P2RX6: variants seen among roughly 807,000 people sequenced by gnomAD.
P2RX6 encodes the protein P2X purinoceptor 6.
A neutral mutation model predicts 54.2 loss-of-function variants in P2RX6; 62 were observed. That is an observed-to-expected ratio of 1.14 (90% confidence interval 0.93 to 1.41). The LOEUF (loss-of-function observed/expected upper bound fraction) is 1.41, where lower values mean the gene tolerates loss of function less well. P2RX6 is among the 40% of genes most tolerant of loss of function. The pLI, the probability that P2RX6 is intolerant of heterozygous loss-of-function variation, is 0.00. For synonymous variants in P2RX6, 211 were observed against 231.9 expected (o/e 0.91, Z 0.82); for missense variants, 541 against 566.3 (o/e 0.96, Z 0.45).
At chr22:21,021,451 C>T (rs912413585) in intron 3 of P2RX6, among the ~76,000 whole-genome samples, 1 of 152,076 alleles carries the variant, frequency 6.6e-6, no homozygotes, top group East Asian at 1.9e-4. Context: ...TTGGAGGAGA[C>T]GGTAGCCCAG....
At chr22:21,019,091 C>G (rs1027064720) in intron 3 of P2RX6, among the ~76,000 whole-genome samples, 7 of 152,152 alleles carry the variant, frequency 4.6e-5, no homozygotes, top group African/African-American at 1.4e-4. Flanking sequence ...CTCATTCTCT[C>G]CAGCTGTGAA....
intron 8 of P2RX6, among the ~76,000 whole-genome samples, chr22:21,024,799 G>C (rs560722669): frequency 1.2e-4 from 18 of 147,740 alleles, no homozygotes; most frequent in African/African-American, 4.5e-4. Flanking sequence ...TCGAACTTCT[G>C]ACCTCAGGTG....
At position 21,026,597 on chromosome 22, in the gene P2RX6, AC is replaced by A. The variant is rs1928509886; in HGVS notation, c.1309del (p.His437IlefsTer42). 2 of 1,586,970 alleles carry A rather than the reference AC, an allele frequency of 1.3e-6. No homozygotes were observed. The highest frequency in any genetic ancestry group is 1.7e-6 in the Non-Finnish European group (2 of 1,167,866). On this transcript the variant is annotated frameshift_variant, in exon 12 of 12. Transcript: ENST00000413302. LOFTEE classifies it high-confidence loss of function. The surrounding 1 kb of genome is among the most constrained non-coding windows in gnomAD (Gnocchi z 4.0). ...PCPSSDTHLP[T>X]HSGSL is the part of the protein sequence containing the mutation. ...TCCAAGTTCTGACACCCACTTGCCA[AC>A]CCATTCCGGGAGCCTGTAGCCGTTC...
rs1174065069 is a variant in P2RX6, at chr22:21,022,665, T to C, written c.388-11T>C. 3 of 1,522,226 alleles carry C rather than the reference T, an allele frequency of 2.0e-6. No individual in the cohort carries two copies. Among genetic ancestry groups the C allele is most frequent in the African/African-American group, 2.8e-5 (2 of 72,054 alleles). 94.3% of individuals were successfully genotyped at this position (1,522,226 alleles called of 1,614,324 possible). On this transcript the variant is annotated splice_polypyrimidine_tract_variant and intron_variant, in intron 3 of 11. Transcript: ENST00000413302. ...CTGTGCCATTGGTGACTGCTCTCTCTCCCACCTCAGCACCCGTCCGTCCCA... is the reference window on the plus strand; with the variant it reads ...CTGTGCCATTGGTGACTGCTCTCTCCCCCACCTCAGCACCCGTCCGTCCCA...
rs113447136 is a variant in P2RX6, at chr22:21,025,892, C to A, written c.978C>A (p.Thr326=). The A allele has an allele frequency of 3.2e-6, 5 of 1,578,070 alleles. No individual in the cohort carries two copies. The highest frequency in any genetic ancestry group is 1.2e-5 in the South Asian group (1 of 86,118). The change falls in exon 9 of 12, where the codon ACC becomes ACA. Residue 326 remains threonine, a synonymous_variant. Coordinates refer to ENST00000413302, the MANE Select transcript of P2RX6 (RefSeq NM_005446.5). ...LYGIRFDILV[T]GQAGKFGLIP... ...GAATCCGCTTCGACATCCTCGTCAC[C>A]GGGCAGGTAGGCACAGGTAGGGGTC...
chr22:21,011,697 A>G (rs578105198), upstream of P2RX6: 101 of 639,462 alleles, frequency 1.6e-4, no homozygotes, highest in African/African-American at 1.5e-3. Context: ...GCAGAGGAAA[A>G]GGACTTACAG....
chr22:21,027,509 A>C lies in P2RX6; in HGVS notation c.*892A>C, dbSNP rs940669138. 4 of 152,054 alleles carry C rather than the reference A, an allele frequency of 2.6e-5. No homozygotes were observed. Among genetic ancestry groups the C allele is most frequent in the African/African-American group, 4.8e-5 (2 of 41,282 alleles). The allele number at this position is 152,054 out of a possible 1,614,324, so 9.4% of individuals were successfully genotyped here. A position where few individuals can be genotyped will look rare whatever the true frequency, so the allele number is the denominator to read the frequency against. ...CACTTCAGTCCAAGTCATACCTAGGAAGCTGTCTGGGCAGCTGCTCGAGGG... is the reference window on the plus strand; with the variant it reads ...CACTTCAGTCCAAGTCATACCTAGGCAGCTGTCTGGGCAGCTGCTCGAGGG... On this transcript the variant is annotated 3_prime_UTR_variant, in exon 12 of 12. Coordinates refer to ENST00000413302, the MANE Select transcript of P2RX6 (RefSeq NM_005446.5).
upstream of P2RX6, among the ~76,000 whole-genome samples, chr22:21,014,604 T>G (rs1244640220): frequency 6.6e-6 from 1 of 152,152 alleles, no homozygotes; most frequent in African/African-American, 2.4e-5. Flanking sequence ...TTGTCCTCAC[T>G]GCACTGGGGA....
chr22:21,023,962 T>G (rs1927947310), intron 8 of P2RX6, among the ~76,000 whole-genome samples: 1 of 150,168 alleles, frequency 6.7e-6, no homozygotes, highest in South Asian at 2.1e-4. Context: ...CAGCTTTGTT[T>G]TTTTTTTTTT....
intron 3 of P2RX6, 84 bp downstream of exon 3, chr22:21,018,144 C>A: frequency 2.3e-6 from 2 of 876,366 alleles, no homozygotes; most frequent in South Asian, 1.4e-5. Flanking sequence ...TTTCCCCTTC[C>A]CAGGTGGCTG....
chr22:21,023,640 T>C, intron 8 of P2RX6, 22 bp downstream of exon 8: 1 of 1,529,840 alleles, frequency 6.5e-7, no homozygotes, highest in African/African-American at 1.4e-5. Flanking sequence ...CTGCTCCCAG[T>C]GCCCAGCTGC....
At chr22:21,025,337 G>A (rs754115328) in intron 8 of P2RX6, among the ~76,000 whole-genome samples, 24 of 146,486 alleles carry the variant, frequency 1.6e-4, no homozygotes, top group African/African-American at 4.7e-4. Flanking sequence ...ACTGCACCCC[G>A]TCTGATCTGG....
chr22:21,017,868 G>A (rs1197310342), intron 2 of P2RX6, 121 bp from the exon 3 acceptor site: 1 of 721,618 alleles, frequency 1.4e-6, no homozygotes, highest in Admixed American at 2.0e-5. Flanking sequence ...TGCCTTACAG[G>A]GGGACAGGGT....
chr22:21,020,180 A>G (rs1164279853), intron 3 of P2RX6, among the ~76,000 whole-genome samples: 2 of 152,240 alleles, frequency 1.3e-5, no homozygotes, highest in Non-Finnish European at 2.9e-5. Flanking sequence ...CCGTTCTGAA[A>G]TTTGGCTGGA....
upstream of P2RX6, among the ~76,000 whole-genome samples, chr22:21,010,561 G>A (rs141964913): frequency 2.0e-4 from 30 of 152,122 alleles, 1 homozygote; most frequent in African/African-American, 6.5e-4. Flanking sequence ...CAGATTCACT[G>A]GCATTCCCCT....
chr22:21,027,165 A>G lies in P2RX6; in HGVS notation c.*548A>G, dbSNP rs1928600312. The G allele has an allele frequency of 6.3e-6, 1 of 159,220 alleles. No individual in the cohort carries two copies. The highest frequency in any genetic ancestry group is 6.0e-5 in the Admixed American group (1 of 16,724). 9.9% of individuals were successfully genotyped at this position (159,220 alleles called of 1,614,324 possible). A position where few individuals can be genotyped will look rare whatever the true frequency, so the allele number is the denominator to read the frequency against. On this transcript the variant is annotated 3_prime_UTR_variant, in exon 12 of 12. Coordinates refer to ENST00000413302, the MANE Select transcript of P2RX6 (RefSeq NM_005446.5). Reference sequence around the variant, plus strand: ...TTCTCTGGTGCTGTGATGCCCCAGGAGAGTCCTAATCTAGGGAATGGGGTG... The same window carrying G: ...TTCTCTGGTGCTGTGATGCCCCAGGGGAGTCCTAATCTAGGGAATGGGGTG...
chr22:21,012,804 T>G, upstream of P2RX6: 1 of 226,402 alleles, frequency 4.4e-6, no homozygotes, highest in Non-Finnish European at 8.6e-6. Context: ...CACCTAGGTG[T>G]CCCCCACCCC....
intron 9 of P2RX6, 55 bp from the exon 10 acceptor site, chr22:21,025,956 G>A: frequency 6.3e-7 from 1 of 1,585,940 alleles, no homozygotes; most frequent in Non-Finnish European, 8.6e-7. Context: ...CAGGGCTGGA[G>A]GAGGCATGAG....
At chr22:21,017,072 T>C (rs1294222938) in intron 2 of P2RX6, among the ~76,000 whole-genome samples, 1 of 152,100 alleles carries the variant, frequency 6.6e-6, no homozygotes, top group Non-Finnish European at 1.5e-5. Context: ...TGCCATGCCA[T>C]GCATGAGACT....
Sources: allele counts gnomAD v4.1 joint callset (sites outside exome capture counted in the v4.1 genomes callset), GRCh38; gene constraint gnomAD v4.1.1; non-coding constraint Gnocchi (gnomAD v3.1); transcripts MANE v1.5; gene names NCBI Gene and HGNC (gene_info 2026-07-23, HGNC 2026-07-21).